IL3RA: variants seen among roughly 807,000 people sequenced by gnomAD.
IL3RA encodes the protein interleukin 3 receptor subunit alpha.
IL3RA carries 73 observed loss-of-function variants against 52.3 expected under a neutral mutation model. The observed-to-expected ratio is 1.40, with a 90% CI of 1.16 to 1.70. The LOEUF (loss-of-function observed/expected upper bound fraction) is 1.70. Ranked by LOEUF, IL3RA falls within the 40% of genes most tolerant of loss-of-function variation. The probability of loss-of-function intolerance (pLI) is 0.00; values close to 1 mark genes in which losing one functional copy is unlikely to be tolerated. For missense variants in IL3RA, 664 were observed against 504.4 expected (o/e 1.32, Z -3.03); for synonymous variants, 260 against 194.0 (o/e 1.34, Z -2.83).
chrX:1,350,550 T>C (rs1168701098), intron 4 of IL3RA, among the ~76,000 whole-genome samples: 1 of 141,204 alleles, frequency 7.1e-6, no homozygotes, highest in Non-Finnish European at 1.5e-5. Context: ...GATCGTGCCA[T>C]TGCTCTCCAG....
intron 1 of IL3RA, among the ~76,000 whole-genome samples, chrX:1,341,170 A>T (rs7054522): frequency 0.088 from 13,143 of 149,630 alleles, 681 homozygotes; most frequent in African/African-American, 0.15. Context: ...CATGGTGGCG[A>T]GTGCCTGTAA....
chrX:1,338,160 C>T (rs1243696909), intron 1 of IL3RA, among the ~76,000 whole-genome samples: 2 of 150,086 alleles, frequency 1.3e-5, no homozygotes, highest in East Asian at 2.0e-4. Context: ...TGTCCATCCA[C>T]ACAGTGGAAT....
At chrX:1,380,372 T>C (rs1218834707) in intron 10 of IL3RA, among the ~76,000 whole-genome samples, 2 of 105,126 alleles carry the variant, frequency 1.9e-5, no homozygotes, top group Non-Finnish European at 3.7e-5. Context: ...TCACAATCTG[T>C]CAAATGGGTG....
At chrX:1,379,700 C>T (rs2089039969) in intron 10 of IL3RA, among the ~76,000 whole-genome samples, 1 of 152,218 alleles carries the variant, frequency 6.6e-6, no homozygotes. Flanking sequence ...TTGGATGGGC[C>T]AGGATCCGTC....
At chrX:1,348,302 G>T (rs755994290) in intron 3 of IL3RA, 129 bp from the exon 4 acceptor site, 4 of 734,280 alleles carry the variant, frequency 5.4e-6, no homozygotes, top group South Asian at 1.6e-5. Flanking sequence ...GCAGTGAGCC[G>T]AGATCACGCC....
At chrX:1,353,189 AC>A (rs1206069951) in intron 6 of IL3RA, among the ~76,000 whole-genome samples, 3 of 123,678 alleles carry the variant, frequency 2.4e-5, no homozygotes, top group South Asian at 2.6e-4. Context: ...GGGTCATGGG[AC>A]CCCCCATCAT....
chrX:1,361,425 A>G (rs1418341717), intron 8 of IL3RA, among the ~76,000 whole-genome samples: 2 of 152,114 alleles, frequency 1.3e-5, no homozygotes, highest in African/African-American at 4.8e-5. Flanking sequence ...AAGGAGGAGG[A>G]AAGGCATGTC....
rs186303198 is a variant in IL3RA, at chrX:1,348,199, A to T, written c.184-232A>T. Among the ~76,000 whole-genome samples, 34 of 150,404 alleles carry T rather than the reference A, an allele frequency of 2.3e-4. 1 individual carries two copies. In the East Asian group the frequency reaches 6.4e-3, roughly 29 times the overall value. On this transcript the variant is annotated intron_variant, in intron 3 of 11. Transcript: ENST00000331035. ...CTGTCTCTACCCAGAAAAATACTTTAAAAATTAGCTGGGCGTGGTGGCGGG... is the reference window on the plus strand; with the variant it reads ...CTGTCTCTACCCAGAAAAATACTTTTAAAATTAGCTGGGCGTGGTGGCGGG...
chrX:1,348,024 G>T lies in IL3RA; in HGVS notation c.184-407G>T, dbSNP rs544352299. Among the ~76,000 whole-genome samples, 5 of 106,972 alleles carry T rather than the reference G, an allele frequency of 4.7e-5. No homozygotes were observed. The South Asian group carries it at 1.3e-3, about 29-fold the overall frequency. 70.2% of individuals were successfully genotyped at this position (106,972 alleles called of 152,430 possible). On this transcript the variant is annotated intron_variant, in intron 3 of 11. Coordinates refer to ENST00000331035, the MANE Select transcript of IL3RA (RefSeq NM_002183.4). ...TGCACTCCAGCCTGGGCGACAGAGC[G>T]AGACTCCCTCTCAAAAAAAAAAAAA... is the stretch of plus-strand genomic sequence containing the variant.
chrX:1,342,945 G>C (rs777999074), intron 2 of IL3RA, among the ~76,000 whole-genome samples: 2 of 151,770 alleles, frequency 1.3e-5, no homozygotes, highest in East Asian at 2.0e-4. Flanking sequence ...CGTGGTGGCG[G>C]GCGCCTGTAA....
At chrX:1,356,453 G>A in intron 7 of IL3RA, 117 bp downstream of exon 7, 1 of 659,230 alleles carries the variant, frequency 1.5e-6, no homozygotes, top group Non-Finnish European at 2.7e-6. Context: ...GTCACAGAAG[G>A]CATGGATCAT....
intron 8 of IL3RA, among the ~76,000 whole-genome samples, chrX:1,361,622 A>G (rs111358764): frequency 0.075 from 11,355 of 151,124 alleles, 1,146 homozygotes; most frequent in African/African-American, 0.23. Flanking sequence ...TGGTGGTGGC[A>G]GGCGCCTGTG....
Position 1,351,984 on chromosome X carries a change from C to T in IL3RA, c.299-116C>T, listed in dbSNP as rs112762796. ...TTCTCCATGTTGGCCAGGCTGGTCT[C>T]GAACTCCTGACCTCATGTGATCCAC... On this transcript the variant is annotated intron_variant, in intron 4 of 11. Coordinates refer to ENST00000331035, the MANE Select transcript of IL3RA (RefSeq NM_002183.4). The T allele has an allele frequency of 4.0e-3, 5,252 of 1,311,988 alleles. 131 individuals are homozygous for T. The African/African-American group carries it at 0.062, about 15-fold the overall frequency. 81.3% of individuals were successfully genotyped at this position (1,311,988 alleles called of 1,614,324 possible). A position where few individuals can be genotyped will look rare whatever the true frequency, so the allele number is the denominator to read the frequency against.
At chrX:1,368,259 A>G (rs1384511073) in intron 9 of IL3RA, among the ~76,000 whole-genome samples, 1 of 151,978 alleles carries the variant, frequency 6.6e-6, no homozygotes, top group African/African-American at 2.4e-5. Context: ...GCGAGACTCC[A>G]TCTCAACAAC....
intron 9 of IL3RA, among the ~76,000 whole-genome samples, chrX:1,370,855 A>G (rs2088537118): frequency 1.6e-5 from 1 of 63,550 alleles, no homozygotes; most frequent in Non-Finnish European, 2.8e-5. Context: ...CCTCAGGAGG[A>G]ACCAGCACTG....
chrX:1,382,472 G>A lies in IL3RA; in HGVS notation c.*7G>A. The A allele has an allele frequency of 6.2e-7, 1 of 1,613,588 alleles. No homozygotes were observed. Among genetic ancestry groups the A allele is most frequent in the African/African-American group, 1.3e-5 (1 of 75,028 alleles). On this transcript the variant is annotated 3_prime_UTR_variant, in exon 12 of 12. Coordinates refer to ENST00000331035, the MANE Select transcript of IL3RA (RefSeq NM_002183.4). ...GGTCGTGCAGAAAACTTGAGACTGG[G>A]GTTCAGGGCTTGTGGGGGTCTGCCT...
chrX:1,362,438 C>T (rs2087514803), intron 8 of IL3RA, among the ~76,000 whole-genome samples: 1 of 151,548 alleles, frequency 6.6e-6, no homozygotes, highest in Non-Finnish European at 1.5e-5. Flanking sequence ...CTCTGTGTCT[C>T]TTTGTATCTC....
chrX:1,377,788 G>T (rs1350781141), intron 9 of IL3RA, among the ~76,000 whole-genome samples: 2 of 149,684 alleles, frequency 1.3e-5, no homozygotes, highest in Non-Finnish European at 3.0e-5. Context: ...GGGAGGCTAA[G>T]AGAGGAGAAT....
In IL3RA at chrX:1,376,948, C is replaced by A. The variant is rs779693723; in HGVS notation, c.875-1711C>A. ...GCCCTGCCCACACCTGGATCTCAGACCTCCAGCCTCCAGGGCTGTGGGAGA... is the reference window on the plus strand; with the variant it reads ...GCCCTGCCCACACCTGGATCTCAGAACTCCAGCCTCCAGGGCTGTGGGAGA... On this transcript the variant is annotated intron_variant, in intron 9 of 11. Transcript: ENST00000331035. 5.6e-5 allele frequency among the ~76,000 whole-genome samples: 8 copies of A among 142,072 alleles called. No homozygotes were observed. In the East Asian group the frequency reaches 1.0e-3, roughly 18 times the overall value. 93.2% of individuals were successfully genotyped at this position (142,072 alleles called of 152,430 possible).
Sources: allele counts gnomAD v4.1 joint callset (sites outside exome capture counted in the v4.1 genomes callset), GRCh38; gene constraint gnomAD v4.1.1; transcripts MANE v1.5; gene names NCBI Gene and HGNC (gene_info 2026-07-23, HGNC 2026-07-21).